Variants in AGMO observed in about 807,000 individuals in gnomAD.
The protein encoded by AGMO is glyceryl-ether monooxygenase.
In AGMO, 75 loss-of-function variants were observed where a neutral mutation model predicts 60.2. The observed-to-expected ratio is 1.25, with a 90% confidence interval of 1.03 to 1.51. The LOEUF (loss-of-function observed/expected upper bound fraction) is 1.51. AGMO is among the 40% of genes most tolerant of loss of function. The probability of loss-of-function intolerance (pLI) is 0.00; values close to 1 mark genes in which losing one functional copy is unlikely to be tolerated. For synonymous variants in AGMO, 261 were observed against 177.1 expected, an observed-to-expected ratio of 1.47 and a Z score of -3.76; for missense variants, 763 against 525.5, an observed-to-expected ratio of 1.45 and a Z score of -4.42.
chr7:15,183,407 C>G, the AGMO span, among the ~76,000 whole-genome samples: 54 of 152,128 alleles, frequency 3.5e-4, no homozygotes, highest in Non-Finnish European at 6.3e-4. Flanking sequence ...TCATAATATT[C>G]TGATACAATT....
chr7:15,134,749 G>A, the AGMO span, among the ~76,000 whole-genome samples: 2 of 152,216 alleles, frequency 1.3e-5, no homozygotes, highest in East Asian at 3.9e-4. Flanking sequence ...TGTGAACAGT[G>A]GAGTTGGGGT....
chr7:15,512,873 T>A (rs1268801273), intron 3 of AGMO, among the ~76,000 whole-genome samples: 2 of 152,206 alleles, frequency 1.3e-5, no homozygotes, highest in African/African-American at 4.8e-5. Context: ...TTTGTATAGT[T>A]TCTTTCAATC....
chr7:15,270,591 T>G (rs916942961), intron 12 of AGMO, among the ~76,000 whole-genome samples: 1 of 144,180 alleles, frequency 6.9e-6, no homozygotes, highest in African/African-American at 2.6e-5. Context: ...TTTAATCTGT[T>G]GATAATTTTT....
At chr7:15,310,916 C>T (rs114770770) in intron 12 of AGMO, among the ~76,000 whole-genome samples, 2,621 of 152,168 alleles carry the variant, frequency 0.017, 73 homozygotes, top group African/African-American at 0.06. Context: ...CTTCCATCTT[C>T]GCAGGAGTAA....
At chr7:15,257,978 C>A (rs943832690) in intron 12 of AGMO, among the ~76,000 whole-genome samples, 2 of 152,134 alleles carry the variant, frequency 1.3e-5, no homozygotes, top group African/African-American at 4.8e-5. Flanking sequence ...ACCGCATTTT[C>A]AATGATCTAT....
the AGMO span, among the ~76,000 whole-genome samples, chr7:15,123,986 G>A: frequency 2.0e-5 from 3 of 152,032 alleles, no homozygotes; most frequent in African/African-American, 7.2e-5. Context: ...TTCTTATGAC[G>A]TGTCTCGCAT....
intron 5 of AGMO, chr7:15,396,001 G>T (rs1042777592): frequency 6.6e-6 from 1 of 152,142 alleles, no homozygotes; most frequent in African/African-American, 2.4e-5. Context: ...TGGGACAGGA[G>T]CCATCATCAT....
In AGMO at chr7:15,308,738, T is replaced by C. The variant is rs370509681; in HGVS notation, c.1263+56776A>G. On this transcript the variant is annotated intron_variant, in intron 12 of 12. Coordinates refer to ENST00000342526, the MANE Select transcript of AGMO (RefSeq NM_001004320.2). ...TATTACAGCACATATAATGAAAATA[T>C]AACAACTAATGTGTTATGTTTTATA... is the stretch of plus-strand genomic sequence containing the variant. Among the ~76,000 whole-genome samples the C allele has an allele frequency of 1.6e-4, 25 of 152,308 alleles. No individual in the cohort carries two copies. In the South Asian group the frequency reaches 5.2e-3, roughly 32 times the overall value.
chr7:15,426,691 G>C (rs1348058637), intron 4 of AGMO, among the ~76,000 whole-genome samples: 1 of 152,222 alleles, frequency 6.6e-6, no homozygotes, highest in East Asian at 1.9e-4. Context: ...GGAGGTTGCA[G>C]TGGGCTGAGA....
chr7:15,185,649 G>A, the AGMO span, among the ~76,000 whole-genome samples: 1 of 149,052 alleles, frequency 6.7e-6, no homozygotes, highest in African/African-American at 2.5e-5. Context: ...GAAGGCAGAT[G>A]ATTTGTCTGA....
intron 12 of AGMO, among the ~76,000 whole-genome samples, chr7:15,352,180 G>A (rs552162508): frequency 3.3e-5 from 5 of 152,192 alleles, no homozygotes; most frequent in Non-Finnish European, 7.4e-5. Context: ...AGATCACCCC[G>A]CCATAGATCT....
At chr7:15,422,191 C>T (rs1780944492) in intron 4 of AGMO, among the ~76,000 whole-genome samples, 1 of 151,802 alleles carries the variant, frequency 6.6e-6, no homozygotes, top group Non-Finnish European at 1.5e-5. Flanking sequence ...GGGATTACCT[C>T]TATGTTTCTC....
intron 12 of AGMO, among the ~76,000 whole-genome samples, chr7:15,353,338 A>G (rs1782330655): frequency 6.6e-6 from 1 of 152,194 alleles, no homozygotes; most frequent in Non-Finnish European, 1.5e-5. Flanking sequence ...CTGGATTTCT[A>G]ACATTCTCAA....
At chr7:15,336,562 G>C (rs911661300) in intron 12 of AGMO, among the ~76,000 whole-genome samples, 2 of 152,112 alleles carry the variant, frequency 1.3e-5, no homozygotes, top group African/African-American at 4.8e-5. Flanking sequence ...CGTGTTCCTA[G>C]CAAATGATTT....
At chr7:15,431,661 C>T (rs919616080) in intron 3 of AGMO, among the ~76,000 whole-genome samples, 9 of 151,878 alleles carry the variant, frequency 5.9e-5, no homozygotes, top group African/African-American at 7.2e-5. Flanking sequence ...TTCTCAGGTA[C>T]TCTTTTATTT....
intron 12 of AGMO, among the ~76,000 whole-genome samples, chr7:15,207,364 G>A (rs978938725): frequency 6.6e-6 from 1 of 152,096 alleles, no homozygotes; most frequent in African/African-American, 2.4e-5. Context: ...GTTTTTAAAA[G>A]ATGGCCCTAA....
intron 12 of AGMO, among the ~76,000 whole-genome samples, chr7:15,332,377 A>T (rs1781525463): frequency 6.6e-6 from 1 of 152,164 alleles, no homozygotes; most frequent in African/African-American, 2.4e-5. Flanking sequence ...TAACATGGAG[A>T]CTAAAGGTCT....
chr7:15,287,832 G>A (rs1257286476), intron 12 of AGMO, among the ~76,000 whole-genome samples: 1 of 151,848 alleles, frequency 6.6e-6, no homozygotes, highest in Non-Finnish European at 1.5e-5. Context: ...ATTACCAAAT[G>A]TTTTTCAATG....
At chr7:15,409,967 T>A (rs1376506915) in intron 5 of AGMO, among the ~76,000 whole-genome samples, 1 of 151,522 alleles carries the variant, frequency 6.6e-6, no homozygotes, top group Non-Finnish European at 1.5e-5. Context: ...TGAAAAATAA[T>A]GAATACTGGA....
Sources: allele counts gnomAD v4.1 joint callset (sites outside exome capture counted in the v4.1 genomes callset), GRCh38; gene constraint gnomAD v4.1.1; transcripts MANE v1.5; gene names NCBI Gene and HGNC (gene_info 2026-07-23, HGNC 2026-07-21).